ARID5B: variants seen among roughly 807,000 people sequenced by gnomAD.
ARID5B encodes the protein AT-rich interactive domain-containing protein 5B.
A neutral mutation model predicts 97.2 loss-of-function variants in ARID5B; 13 were observed. That is an observed-to-expected ratio of 0.13 (90% CI 0.09 to 0.21). The LOEUF is 0.21. Ranked by LOEUF, ARID5B falls within the 10% of genes least tolerant of loss-of-function variation. The probability of loss-of-function intolerance (pLI) is 1.00; values close to 1 mark genes in which losing one functional copy is unlikely to be tolerated. For missense variants in ARID5B, 1,210 were observed against 1,465.3 expected, an observed-to-expected ratio of 0.83 and a Z score of 2.84; for synonymous variants, 556 against 570.3, an observed-to-expected ratio of 0.97 and a Z score of 0.36.
intron 4 of ARID5B, chr10:62,049,069 A>T (rs764588740): frequency 1.9e-4 from 145 of 743,852 alleles, no homozygotes; most frequent in Non-Finnish European, 2.4e-4. Flanking sequence ...CAAAACAAAT[A>T]GTCCATGCCC....
At chr10:61,908,402 A>G (rs12569576) in intron 2 of ARID5B, among the ~76,000 whole-genome samples, 62,941 of 152,074 alleles carry the variant, frequency 0.41, 13,284 homozygotes, top group Non-Finnish European at 0.46. Context: ...TGTCATAGGC[A>G]TCCAAAGGAA....
At position 62,057,087 on chromosome 10, in the gene ARID5B, G is replaced by A. The variant is rs534413825; in HGVS notation, c.847-30G>A. On this transcript the variant is annotated intron_variant, in intron 5 of 9. Transcript: ENST00000279873. ...GGTAAGCATCCTGGGGCTGTGCCTCGTCTGATGTGGTATATTTTCCCTTTT... is the reference window on the plus strand; with the variant it reads ...GGTAAGCATCCTGGGGCTGTGCCTCATCTGATGTGGTATATTTTCCCTTTT... 532 of 1,609,478 alleles carry A rather than the reference G, an allele frequency of 3.3e-4. 4 individuals carry two copies. The South Asian group carries it at 4.9e-3, about 15-fold the overall frequency.
chr10:61,934,130 T>G (rs1332521162), intron 2 of ARID5B, among the ~76,000 whole-genome samples: 2 of 152,206 alleles, frequency 1.3e-5, no homozygotes, highest in Non-Finnish European at 2.9e-5. Context: ...ACCTCATGAA[T>G]CAACCTCTGT....
intron 7 of ARID5B, 63 bp downstream of exon 7, chr10:62,059,358 C>A (rs1391683080): frequency 2.9e-6 from 4 of 1,400,574 alleles, no homozygotes; most frequent in African/African-American, 1.4e-5. Context: ...TCTCTTTGAC[C>A]AAAATGGAGA....
In ARID5B at chr10:62,096,923, A is replaced by T. The variant is rs981763883; in HGVS notation, c.*3893A>T. Reference sequence around the variant, plus strand: ...TTTTTGATCCACTGTAATATTTAATAAAAAATGTTACTATCTGTTTCCTTT... The same window carrying T: ...TTTTTGATCCACTGTAATATTTAATTAAAAATGTTACTATCTGTTTCCTTT... On this transcript the variant is annotated 3_prime_UTR_variant, in exon 10 of 10. Coordinates refer to ENST00000279873, the MANE Select transcript of ARID5B (RefSeq NM_032199.3). 1 of 232,540 alleles carries T rather than the reference A, an allele frequency of 4.3e-6. No homozygotes were observed. Among genetic ancestry groups the T allele is most frequent in the African/African-American group, 2.2e-5 (1 of 45,290 alleles). 14.4% of individuals were successfully genotyped at this position (232,540 alleles called of 1,614,324 possible).
intron 4 of ARID5B, among the ~76,000 whole-genome samples, chr10:62,017,328 C>T (rs114548894): frequency 0.047 from 7,199 of 152,014 alleles, 269 homozygotes; most frequent in African/African-American, 0.11. Flanking sequence ...TGACATGCCC[C>T]GTAATCCTAG....
At chr10:61,995,580 C>T (rs1838984805) in intron 3 of ARID5B, among the ~76,000 whole-genome samples, 2 of 151,994 alleles carry the variant, frequency 1.3e-5, no homozygotes, top group African/African-American at 2.4e-5. Context: ...TCTCCCCAAA[C>T]TCAAAATTTT....
intron 8 of ARID5B, among the ~76,000 whole-genome samples, chr10:62,085,447 C>T (rs1233894988): frequency 6.6e-6 from 1 of 152,156 alleles, no homozygotes; most frequent in Non-Finnish European, 1.5e-5. Flanking sequence ...TGGATGCTTC[C>T]ATTGGTATCT....
intron 4 of ARID5B, among the ~76,000 whole-genome samples, chr10:62,014,036 G>C (rs1447877586): frequency 1.3e-5 from 2 of 151,966 alleles, no homozygotes; most frequent in Admixed American, 1.3e-4. Context: ...CATAGTCTTG[G>C]CTATTGTGAA....
chr10:62,029,090 C>T (rs574184942), intron 4 of ARID5B, among the ~76,000 whole-genome samples: 14 of 152,266 alleles, frequency 9.2e-5, no homozygotes, highest in Admixed American at 4.6e-4. Flanking sequence ...CAAAACTGTT[C>T]GTGGGACACT....
intron 7 of ARID5B, among the ~76,000 whole-genome samples, chr10:62,061,716 A>G (rs1040787471): frequency 6.6e-5 from 10 of 152,278 alleles, no homozygotes; most frequent in South Asian, 4.1e-4. Context: ...TGGGAAATTT[A>G]TGCCCTCCTT....
At position 62,091,996 on chromosome 10, in the gene ARID5B, G is replaced by A. The variant is rs749293931; in HGVS notation, c.2533G>A (p.Glu845Lys). Residue 845 changes from glutamate to lysine, a missense_variant, in exon 10 of 10, where the codon GAG (glutamate) becomes AAG (lysine). Physicochemically the swap from Glu to Lys is moderately conservative, Grantham distance 56. Coordinates refer to ENST00000279873, the MANE Select transcript of ARID5B (RefSeq NM_032199.3). Reference sequence around the variant, plus strand: ...TCTCCATAGCCTCTACAGACACACCGAGCACCATCTTCATAATGAACAGAC... The same window carrying A: ...TCTCCATAGCCTCTACAGACACACCAAGCACCATCTTCATAATGAACAGAC... ...PHLHSLYRHT[E>K]HHLHNEQTSK... The A allele has an allele frequency of 3.7e-6, 6 of 1,613,908 alleles. No individual in the cohort carries two copies. Among genetic ancestry groups the A allele is most frequent in the Admixed American group, 3.3e-5 (2 of 59,986 alleles).
Position 62,096,353 on chromosome 10 carries a change from A to G in ARID5B, c.*3323A>G, listed in dbSNP as rs1392686148. ...GAGAACCATTTATTTCTCTTCACTT[A>G]TCGTCCCACAAAGTCACATTTGGTG... On this transcript the variant is annotated 3_prime_UTR_variant, in exon 10 of 10. Coordinates refer to ENST00000279873, the MANE Select transcript of ARID5B (RefSeq NM_032199.3). 1 of 233,500 alleles carries G rather than the reference A, an allele frequency of 4.3e-6. No homozygotes were observed. Among genetic ancestry groups the G allele is most frequent in the East Asian group, 6.0e-5 (1 of 16,574 alleles). The allele number at this position is 233,500 out of a possible 1,614,324, so 14.5% of individuals were successfully genotyped here.
At chr10:62,068,321 G>A (rs1409881175) in intron 7 of ARID5B, among the ~76,000 whole-genome samples, 1 of 152,110 alleles carries the variant, frequency 6.6e-6, no homozygotes, top group Non-Finnish European at 1.5e-5. Context: ...AAACCGATTG[G>A]TGCAAGAATG....
intron 4 of ARID5B, among the ~76,000 whole-genome samples, chr10:62,037,999 G>A (rs1268593654): frequency 6.6e-6 from 1 of 152,124 alleles, no homozygotes; most frequent in Non-Finnish European, 1.5e-5. Context: ...CTGAAGAGAA[G>A]ACACATAAAA....
rs1341209364 is a variant in ARID5B, at chr10:62,096,728, G to T, written c.*3698G>T. On this transcript the variant is annotated 3_prime_UTR_variant, in exon 10 of 10. Transcript: ENST00000279873. Reference sequence around the variant, plus strand: ...TGATATTATATAGTTTCCCAATGGAGAGGTTATTGAGTAACCTTTGCATTA... The same window carrying T: ...TGATATTATATAGTTTCCCAATGGATAGGTTATTGAGTAACCTTTGCATTA... The T allele has an allele frequency of 1.7e-5, 4 of 233,416 alleles. No individual in the cohort carries two copies. Among genetic ancestry groups the T allele is most frequent in the African/African-American group, 8.8e-5 (4 of 45,326 alleles). 14.5% of individuals were successfully genotyped at this position (233,416 alleles called of 1,614,324 possible).
intron 1 of ARID5B, among the ~76,000 whole-genome samples, 198 bp from the exon 2 acceptor site, chr10:61,901,961 G>C (rs1047475121): frequency 4.7e-5 from 7 of 147,508 alleles, no homozygotes; most frequent in Admixed American, 1.4e-4. Context: ...AAGTGGCGGT[G>C]GGGGGCCCTG....
At chr10:62,027,018 T>C (rs957779805) in intron 4 of ARID5B, among the ~76,000 whole-genome samples, 5 of 152,156 alleles carry the variant, frequency 3.3e-5, no homozygotes, top group Non-Finnish European at 7.4e-5. Flanking sequence ...AACATATGCA[T>C]GACAAGTTGT....
intron 4 of ARID5B, among the ~76,000 whole-genome samples, chr10:62,045,917 G>A (rs935198513): frequency 1.3e-5 from 2 of 152,158 alleles, no homozygotes; most frequent in South Asian, 2.1e-4. Flanking sequence ...CTTGCAAATC[G>A]AATGAGTTAA....
Sources: gnomAD v4.1 joint callset for allele counts (sites outside exome capture counted in the v4.1 genomes callset) on GRCh38, gnomAD v4.1.1 for gene constraint, MANE v1.5 for transcripts, NCBI Gene and HGNC (gene_info 2026-07-23, HGNC 2026-07-21) for gene names.